The following TGFBR1 variants were observed in gnomAD, a reference collection of about 807,000 sequenced individuals.
The protein encoded by TGFBR1 is TGF-beta receptor type-1.
In TGFBR1, 20 loss-of-function variants were observed where a neutral mutation model predicts 55.1. The observed-to-expected ratio is 0.36, with a 90% confidence interval of 0.26 to 0.53. The LOEUF (loss-of-function observed/expected upper bound fraction) is 0.53, where lower values mean the gene tolerates loss of function less well. Among genes scored for constraint, TGFBR1 ranks in the 20% least tolerant of loss-of-function variants. The pLI is 0.91. For synonymous variants in TGFBR1, 220 were observed against 214.8 expected, an observed-to-expected ratio of 1.02 and a Z score of -0.21; for missense variants, 385 against 617.6, an observed-to-expected ratio of 0.62 and a Z score of 3.99.
intron 7 of TGFBR1, among the ~76,000 whole-genome samples, chr9:99,147,234 G>C (rs1215128430): frequency 6.6e-6 from 1 of 152,152 alleles, no homozygotes; most frequent in Non-Finnish European, 1.5e-5. Flanking sequence ...ACAGATGCAA[G>C]TAGAGAAAGG....
At chr9:99,134,817 T>C (rs1397019755) in intron 3 of TGFBR1, among the ~76,000 whole-genome samples, 3 of 67,210 alleles carry the variant, frequency 4.5e-5, no homozygotes, top group Non-Finnish European at 6.5e-5. Flanking sequence ...TATATATATA[T>C]ATATATATAT....
At chr9:99,146,323 G>A (rs1286837906) in intron 6 of TGFBR1, among the ~76,000 whole-genome samples, 162 bp from the exon 7 acceptor site, 1 of 152,188 alleles carries the variant, frequency 6.6e-6, no homozygotes, top group Non-Finnish European at 1.5e-5. Flanking sequence ...CATCATTAAT[G>A]TGCAAACCAG....
chr9:99,142,254 A>G (rs1271821843), intron 4 of TGFBR1, among the ~76,000 whole-genome samples: 1 of 152,062 alleles, frequency 6.6e-6, no homozygotes, highest in African/African-American at 2.4e-5. Context: ...TCTGATACCA[A>G]TTATCTGTGA....
chr9:99,105,255 T>TGGCGGCGGCGGC lies in TGFBR1; in HGVS notation c.67_78dup (p.Ala23_Ala26dup), dbSNP rs11466445. 2.9e-6 allele frequency: 3 copies of TGGCGGCGGCGGC among 1,043,428 alleles called. No homozygotes were observed. The highest frequency in any genetic ancestry group is 3.4e-6 in the Non-Finnish European group (3 of 872,372). The allele number at this position is 1,043,428 out of a possible 1,614,324, so 64.6% of individuals were successfully genotyped here. On this transcript the variant is annotated inframe_insertion, in exon 1 of 9. Coordinates refer to ENST00000374994, the MANE Select transcript of TGFBR1 (RefSeq NM_004612.4). ...CGTCCCCGGCTGCTCCTCCTCGTGCTGGCGGCGGCGGCGGCGGCGGCGGCG... is the reference window on the plus strand; with the variant it reads ...CGTCCCCGGCTGCTCCTCCTCGTGCTGGCGGCGGCGGCGGCGGCGGCGGCGGCGGCGGCGGCG...
intron 2 of TGFBR1, among the ~76,000 whole-genome samples, chr9:99,132,152 T>C (rs1227580249): frequency 6.6e-6 from 1 of 151,882 alleles, no homozygotes; most frequent in East Asian, 1.9e-4. Flanking sequence ...TTAAAAAAAA[T>C]ATGATTTTTA....
intron 1 of TGFBR1, among the ~76,000 whole-genome samples, chr9:99,127,067 C>CA (rs1827062690): frequency 6.6e-6 from 1 of 152,086 alleles, no homozygotes; most frequent in Non-Finnish European, 1.5e-5. Context: ...TAGAAGGACT[C>CA]ACAGGACTCA....
chr9:99,125,118 G>A (rs1827003321), intron 1 of TGFBR1, among the ~76,000 whole-genome samples: 1 of 152,142 alleles, frequency 6.6e-6, no homozygotes, highest in Non-Finnish European at 1.5e-5. Flanking sequence ...CATTTTAAAT[G>A]TGTTTCTGTA....
rs1827898873 is a variant in TGFBR1, at chr9:99,149,205, T to C, written c.1412T>C (p.Met471Thr). The change falls in exon 9 of 9, where the codon ATG becomes ACG. Residue 471 changes from methionine to threonine, a missense_variant. By Grantham distance (81) the Met-to-Thr change is moderately conservative (BLOSUM62 -1). This residue lies in a region of TGFBR1 where 110 missense variants were observed against 154.6 expected (regional missense o/e 0.71). Coordinates refer to ENST00000374994, the MANE Select transcript of TGFBR1 (RefSeq NM_004612.4). ...GCCTTGAGAGTAATGGCTAAAATTA[T>C]GAGAGAATGTTGGTATGCCAATGGA... is the stretch of plus-strand genomic sequence containing the variant. ...CEALRVMAKI[M>T]RECWYANGAA... 1 of 1,612,704 alleles carries C rather than the reference T, an allele frequency of 6.2e-7. No homozygotes were observed. Among genetic ancestry groups the C allele is most frequent in the Non-Finnish European group, 8.5e-7 (1 of 1,179,288 alleles).
Position 99,138,138 on chromosome 9 carries a change from A to G in TGFBR1, c.805+49A>G, listed in dbSNP as rs1476666380. The stretch of plus-strand genomic sequence containing the variant: ...ATGTTATATATAACAAGATCTCTTT[A>G]AGTCTTTACAGATATGGTGACTAAC... On this transcript the variant is annotated intron_variant, in intron 4 of 8. Coordinates refer to ENST00000374994, the MANE Select transcript of TGFBR1 (RefSeq NM_004612.4). 3 of 1,515,190 alleles carry G rather than the reference A, an allele frequency of 2.0e-6. No individual in the cohort carries two copies. In the African/African-American group the frequency reaches 4.1e-5, roughly 21 times the overall value. 93.9% of individuals were successfully genotyped at this position (1,515,190 alleles called of 1,614,324 possible). A position where few individuals can be genotyped will look rare whatever the true frequency, so the allele number is the denominator to read the frequency against.
chr9:99,117,632 C>T (rs1564134987), intron 1 of TGFBR1, among the ~76,000 whole-genome samples: 1 of 152,148 alleles, frequency 6.6e-6, no homozygotes, highest in African/African-American at 2.4e-5. Context: ...TGTACAATCA[C>T]CTTCATCATA....
At position 99,129,008 on chromosome 9, in the gene TGFBR1, T is replaced by C; in HGVS notation, c.251T>C (p.Phe84Ser). 2 of 1,613,980 alleles carry C rather than the reference T, an allele frequency of 1.2e-6. No homozygotes were observed. The highest frequency in any genetic ancestry group is 1.7e-6 in the Non-Finnish European group (2 of 1,179,948). ...EIDLIPRDRPFVCAPSSKTGS... is the reference protein window; with the variant it reads ...EIDLIPRDRPSVCAPSSKTGS... Reference sequence around the variant, plus strand: ...GACTTAATTCCTCGAGATAGGCCGTTTGTATGTGCACCCTCTTCAAAAACT... The same window carrying C: ...GACTTAATTCCTCGAGATAGGCCGTCTGTATGTGCACCCTCTTCAAAAACT... Residue 84 changes from phenylalanine to serine, a missense_variant, in exon 2 of 9, where the codon TTT becomes TCT. By Grantham distance (155) the Phe-to-Ser change is radical. Coordinates refer to ENST00000374994, the MANE Select transcript of TGFBR1 (RefSeq NM_004612.4).
At chr9:99,105,110 C>CGCG, upstream of TGFBR1, 1 of 970,452 alleles carries the variant, frequency 1.0e-6, no homozygotes, top group Non-Finnish European at 1.3e-6. Flanking sequence ...GCGAGGCCGC[C>CGCG]GCGGCGGCTA....
intron 2 of TGFBR1, among the ~76,000 whole-genome samples, chr9:99,131,629 A>G (rs1271769906): frequency 7.0e-6 from 1 of 142,158 alleles, no homozygotes; most frequent in Non-Finnish European, 1.5e-5. Flanking sequence ...ATATATGCAA[A>G]CTCTGTTAAA....
In TGFBR1 at chr9:99,152,361, C is replaced by A. The variant is rs886063249; in HGVS notation, c.*3056C>A. The A allele has an allele frequency of 9.0e-6, 2 of 222,066 alleles. No homozygotes were observed. The highest frequency in any genetic ancestry group is 1.8e-5 in the Non-Finnish European group (2 of 110,816). 13.8% of individuals were successfully genotyped at this position (222,066 alleles called of 1,614,324 possible). On this transcript the variant is annotated 3_prime_UTR_variant, in exon 9 of 9. Transcript: ENST00000374994. The stretch of plus-strand genomic sequence containing the variant: ...CCAGAAACAGTGGCCAGTTGTATCG[C>A]CTATAAGACAGGGTAAGGTCTGAAG...
intron 1 of TGFBR1, among the ~76,000 whole-genome samples, chr9:99,114,589 T>G (rs1826680290): frequency 1.3e-5 from 2 of 152,216 alleles, no homozygotes; most frequent in Non-Finnish European, 2.9e-5. Context: ...TTCTCCAGTT[T>G]AAGTCTCTGA....
intron 1 of TGFBR1, among the ~76,000 whole-genome samples, chr9:99,110,624 AAAAG>A (rs1258668940): frequency 6.6e-6 from 1 of 152,240 alleles, no homozygotes; most frequent in East Asian, 1.9e-4. Flanking sequence ...ATATATATAT[AAAAG>A]AAAGACACTG....
intron 3 of TGFBR1, 143 bp downstream of exon 3, chr9:99,132,882 T>C: frequency 8.5e-7 from 1 of 1,180,256 alleles, no homozygotes; most frequent in South Asian, 1.5e-5. Flanking sequence ...TAAAAATCTT[T>C]AAGCTTGATG....
At chr9:99,134,012 A>C (rs1827343033) in intron 3 of TGFBR1, among the ~76,000 whole-genome samples, 1 of 151,962 alleles carries the variant, frequency 6.6e-6, no homozygotes. Flanking sequence ...AAAAAAAAAA[A>C]AAAAATTTTC....
At chr9:99,147,994 T>A (rs1251687319) in intron 8 of TGFBR1, among the ~76,000 whole-genome samples, 1 of 152,228 alleles carries the variant, frequency 6.6e-6, no homozygotes, top group Non-Finnish European at 1.5e-5. Context: ...TGGCCTTTAG[T>A]GTATCAGAAC....
Sources: gnomAD v4.1 joint callset for allele counts (sites outside exome capture counted in the v4.1 genomes callset) on GRCh38, gnomAD v4.1.1 for gene constraint, gnomAD v4.1.1 regional missense constraint, MANE v1.5 for transcripts, NCBI Gene and HGNC (gene_info 2026-07-23, HGNC 2026-07-21) for gene names.